Variants in ZNF675 observed in about 807,000 individuals in gnomAD.
The protein encoded by ZNF675 is TRAF6 inhibitory zinc finger.
ZNF675 carries 36 observed loss-of-function variants against 56.1 expected under a neutral mutation model. The observed-to-expected ratio is 0.64, with a 90% CI of 0.49 to 0.85. The LOEUF (loss-of-function observed/expected upper bound fraction) is 0.85, where lower values mean the gene tolerates loss of function less well. Ranked by LOEUF, ZNF675 falls within the 40% of genes least tolerant of loss-of-function variation. The pLI is 0.00. For missense variants in ZNF675, 663 were observed against 654.2 expected (o/e 1.01, Z -0.15); for synonymous variants, 200 against 218.9 (o/e 0.91, Z 0.76).
In ZNF675 at chr19:23,653,176, T is replaced by C. The variant is rs1191237325; in HGVS notation, c.*50A>G. On this transcript the variant is annotated 3_prime_UTR_variant, in exon 4 of 4. Coordinates refer to ENST00000359788, the MANE Select transcript of ZNF675 (RefSeq NM_138330.3). ...TTACATTTCTAGAATTTTTCACCAG[T>C]ATGATTTCCTTTATATTTAGAAAAA... 4.0e-6 allele frequency: 6 copies of C among 1,483,386 alleles called. No homozygotes were observed. Among genetic ancestry groups the C allele is most frequent in the Non-Finnish European group, 5.4e-6 (6 of 1,105,254 alleles). The allele number at this position is 1,483,386 out of a possible 1,614,324, so 91.9% of individuals were successfully genotyped here. A position where few individuals can be genotyped will look rare whatever the true frequency, so the allele number is the denominator to read the frequency against.
chr19:23,677,001 C>T lies in ZNF675; in HGVS notation c.3+10030G>A, dbSNP rs1178487744. Among the ~76,000 whole-genome samples, 3 of 144,610 alleles carry T rather than the reference C, an allele frequency of 2.1e-5. 1 individual carries two copies. The highest frequency in any genetic ancestry group is 5.2e-5 in the African/African-American group (2 of 38,324). 94.9% of individuals were successfully genotyped at this position (144,610 alleles called of 152,430 possible). A position where few individuals can be genotyped will look rare whatever the true frequency, so the allele number is the denominator to read the frequency against. The stretch of plus-strand genomic sequence containing the variant: ...AGGCAAGAGAATGGCGGCGTTAACC[C>T]GGGAGGTGGAGCTTGCAGTGAGCCG... On this transcript the variant is annotated intron_variant, in intron 1 of 3. Coordinates refer to ENST00000359788, the MANE Select transcript of ZNF675 (RefSeq NM_138330.3).
At chr19:23,671,099 GC>G (rs1426747593) in intron 1 of ZNF675, among the ~76,000 whole-genome samples, 27 of 152,252 alleles carry the variant, frequency 1.8e-4, no homozygotes, top group Admixed American at 7.8e-4. Context: ...GAAAAATCTA[GC>G]CATGTTTTAT....
chr19:23,654,393 T>C lies in ZNF675; in HGVS notation c.540A>G (p.Ser180=), dbSNP rs77385655. The C allele has an allele frequency of 0.089, 143,587 of 1,611,094 alleles. 7,282 individuals carry two copies. The highest frequency in any genetic ancestry group is 0.21 in the East Asian group (9,246 of 44,780). Residue 180 remains serine, a synonymous_variant, in exon 4 of 4, where the codon TCA becomes TCG. Coordinates refer to ENST00000359788, the MANE Select transcript of ZNF675 (RefSeq NM_138330.3). ...GAGTTAGGTGTGAAAGCATGCAAAA[T>C]GATCTGCCACATTCTTTACATTTGA... The part of the protein sequence containing the change: ...KPFKCKECGR[S]FCMLSHLTRH...
intron 3 of ZNF675, chr19:23,655,728 G>A (rs1253998589): frequency 6.6e-6 from 1 of 152,126 alleles, no homozygotes; most frequent in Non-Finnish European, 1.5e-5. Context: ...TAACAGACCT[G>A]TACAAACCTT....
chr19:23,678,296 C>T (rs1223144879), intron 1 of ZNF675, among the ~76,000 whole-genome samples: 2 of 138,784 alleles, frequency 1.4e-5, no homozygotes, highest in East Asian at 2.1e-4. Flanking sequence ...TGGTTCTTGT[C>T]GCCTAGGCTG....
In ZNF675 at chr19:23,653,362, G is replaced by T. The variant is rs779648759; in HGVS notation, c.1571C>A (p.Thr524Asn). Reference protein sequence around the residue: ...GKAFSRSSKLTEHKIIHTGEK... With the variant: ...GKAFSRSSKLNEHKIIHTGEK... Reference sequence around the variant, plus strand: ...TCCAGTATGAATTATCTTATGTTCAGTAAGTTTTGAGGATCGGCTAAAAGC... The same window carrying T: ...TCCAGTATGAATTATCTTATGTTCATTAAGTTTTGAGGATCGGCTAAAAGC... Residue 524 changes from threonine (T) to asparagine (N), a missense_variant, in exon 4 of 4, where the codon ACT (threonine) becomes AAT (asparagine). By Grantham distance (65) the Thr-to-Asn change is moderately conservative (BLOSUM62 0). Transcript: ENST00000359788. 3.7e-6 allele frequency: 6 copies of T among 1,613,618 alleles called. No individual in the cohort carries two copies. The highest frequency in any genetic ancestry group is 5.1e-6 in the Non-Finnish European group (6 of 1,179,982).
intron 3 of ZNF675, among the ~76,000 whole-genome samples, chr19:23,661,314 G>C (rs1968074637): frequency 6.6e-6 from 1 of 151,472 alleles, no homozygotes; most frequent in Non-Finnish European, 1.5e-5. Context: ...CCTGGCCCTT[G>C]AGCCGATGCC....
chr19:23,675,735 C>A (rs749232999), intron 1 of ZNF675, among the ~76,000 whole-genome samples: 3 of 151,558 alleles, frequency 2.0e-5, no homozygotes, highest in Non-Finnish European at 4.4e-5. Flanking sequence ...TAAATGCTCA[C>A]ATCAAAAGGT....
chr19:23,654,403 CA>C lies in ZNF675; in HGVS notation c.529del (p.Cys177ValfsTer11). 6 of 1,610,822 alleles carry C rather than the reference CA, an allele frequency of 3.7e-6. No homozygotes were observed. Among genetic ancestry groups the C allele is most frequent in the Non-Finnish European group, 5.1e-6 (6 of 1,178,030 alleles). On this transcript the variant is annotated frameshift_variant, in exon 4 of 4. Coordinates refer to ENST00000359788, the MANE Select transcript of ZNF675 (RefSeq NM_138330.3). LOFTEE classifies it high-confidence loss of function. ...MENKPFKCKE[C>X]GRSFCMLSHL... is the part of the protein sequence containing the mutation. Reference sequence around the variant, plus strand: ...TGAAAGCATGCAAAATGATCTGCCACATTCTTTACATTTGAAAGGTTTATTT... The same window carrying C: ...TGAAAGCATGCAAAATGATCTGCCACTTCTTTACATTTGAAAGGTTTATTT...
At chr19:23,684,748 C>T (rs1968422030) in intron 1 of ZNF675, among the ~76,000 whole-genome samples, 1 of 152,184 alleles carries the variant, frequency 6.6e-6, no homozygotes, top group Non-Finnish European at 1.5e-5. Flanking sequence ...TGCTCAATGA[C>T]CACCCTCTCA....
At chr19:23,667,047 G>T (rs979490604) in intron 1 of ZNF675, among the ~76,000 whole-genome samples, 23 of 152,076 alleles carry the variant, frequency 1.5e-4, no homozygotes, top group Non-Finnish European at 2.6e-4. Flanking sequence ...CTCTTAAGGT[G>T]GCGCGTCTGG....
At chr19:23,681,643 G>C (rs886642682) in intron 1 of ZNF675, among the ~76,000 whole-genome samples, 3 of 151,712 alleles carry the variant, frequency 2.0e-5, no homozygotes, top group Admixed American at 2.0e-4. Flanking sequence ...AGTCAGCATA[G>C]ACCCTGATTC....
At chr19:23,660,854 A>G (rs112370551) in intron 3 of ZNF675, among the ~76,000 whole-genome samples, 105 of 152,286 alleles carry the variant, frequency 6.9e-4, no homozygotes, top group African/African-American at 2.5e-3. Flanking sequence ...TTTAAATGAA[A>G]CTATGATACA....
intron 1 of ZNF675, among the ~76,000 whole-genome samples, chr19:23,686,587 A>C (rs1375454730): frequency 6.6e-6 from 1 of 152,102 alleles, no homozygotes; most frequent in Non-Finnish European, 1.5e-5. Context: ...CGGTCTCCCA[A>C]AGTGCTGGTA....
intron 1 of ZNF675, among the ~76,000 whole-genome samples, chr19:23,685,752 T>C (rs901237181): frequency 2.4e-4 from 37 of 152,122 alleles, no homozygotes; most frequent in African/African-American, 8.9e-4. Flanking sequence ...TAGTTGATAA[T>C]GTGAATTAGA....
At chr19:23,672,229 G>A (rs1165666717) in intron 1 of ZNF675, among the ~76,000 whole-genome samples, 1 of 47,372 alleles carries the variant, frequency 2.1e-5, no homozygotes, top group African/African-American at 7.0e-5. Flanking sequence ...TTAGCTCTTG[G>A]GTTTAAAAAA....
chr19:23,658,847 C>CTATAGATCTAGATCTATATCTCTATAGA (rs144380544), intron 3 of ZNF675, among the ~76,000 whole-genome samples: 2 of 80,848 alleles, frequency 2.5e-5, no homozygotes, highest in South Asian at 4.6e-4. Context: ...ATAGATATAT[C>CTATAGATCTAGATCTATATCTCTATAGA]TATATAGATA....
chr19:23,685,666 AT>A (rs1328822430), intron 1 of ZNF675, among the ~76,000 whole-genome samples: 39 of 152,212 alleles, frequency 2.6e-4, no homozygotes, highest in African/African-American at 9.4e-4. Flanking sequence ...ACAGAAAACG[AT>A]TTTTTTAAGT....
intron 1 of ZNF675, among the ~76,000 whole-genome samples, chr19:23,674,795 T>G (rs111997776): frequency 1.3e-5 from 2 of 150,894 alleles, no homozygotes; most frequent in South Asian, 4.2e-4. Context: ...ATGGTGAAAC[T>G]CTGTCTCTAC....
Sources: gnomAD v4.1 joint callset for allele counts (sites outside exome capture counted in the v4.1 genomes callset) on GRCh38, gnomAD v4.1.1 for gene constraint, MANE v1.5 for transcripts, NCBI Gene and HGNC (gene_info 2026-07-23, HGNC 2026-07-21) for gene names.